Variants in RAB6B observed in about 807,000 individuals in gnomAD.
The protein encoded by RAB6B is RAB6B, member RAS oncogene family, also known as ras-related protein Rab-6B.
Under a neutral mutation model 31.2 loss-of-function variants are expected in RAB6B, and 7 were observed. The observed-to-expected ratio is 0.22, with a 90% confidence interval of 0.13 to 0.42. The LOEUF (loss-of-function observed/expected upper bound fraction) is 0.42, where lower values mean the gene tolerates loss of function less well. Ranked by LOEUF, RAB6B falls within the 10% of genes least tolerant of loss-of-function variation. The pLI, the probability that RAB6B is intolerant of heterozygous loss-of-function variation, is 1.00. For missense variants in RAB6B, 149 were observed against 280.6 expected (o/e 0.53, Z 3.35); for synonymous variants, 105 against 104.9 (o/e 1.00, Z -0.01).
chr3:133,888,570 T>G (rs1936586408), intron 1 of RAB6B, among the ~76,000 whole-genome samples: 1 of 152,260 alleles, frequency 6.6e-6, no homozygotes, highest in African/African-American at 2.4e-5. Context: ...TCTGGTCACC[T>G]GGGCTCCCTC....
chr3:133,856,968 G>C (rs191898434), intron 2 of RAB6B, among the ~76,000 whole-genome samples: 231 of 152,306 alleles, frequency 1.5e-3, no homozygotes, highest in Middle Eastern at 0.014. Flanking sequence ...TCCTCATGTT[G>C]CTAGAGTTAA....
At chr3:133,878,032 A>G (rs1050192110) in intron 1 of RAB6B, among the ~76,000 whole-genome samples, 2 of 152,068 alleles carry the variant, frequency 1.3e-5, no homozygotes, top group Non-Finnish European at 1.5e-5. Context: ...ACAATAAATG[A>G]TAAGAACACC....
rs558274904 is a variant in RAB6B, at chr3:133,864,165, G to T, written c.129+419C>A. Among the ~76,000 whole-genome samples the T allele has an allele frequency of 4.5e-4, 63 of 138,822 alleles. 1 individual carries two copies. Among genetic ancestry groups the T allele is most frequent in the Non-Finnish European group, 7.4e-4 (50 of 67,622 alleles). 91.1% of individuals were successfully genotyped at this position (138,822 alleles called of 152,430 possible). ...GTGTGTGTGTTTGTGTGCGTGTGTGGGGGGGGGCGGGGGTGAGAGAGAGAG... is the reference window on the plus strand; with the variant it reads ...GTGTGTGTGTTTGTGTGCGTGTGTGTGGGGGGGCGGGGGTGAGAGAGAGAG... On this transcript the variant is annotated intron_variant, in intron 2 of 7. Transcript: ENST00000285208.
chr3:133,855,338 C>G (rs1221398779), intron 2 of RAB6B, among the ~76,000 whole-genome samples: 1 of 152,254 alleles, frequency 6.6e-6, no homozygotes, highest in Admixed American at 6.5e-5. Flanking sequence ...CGGGTACTTG[C>G]ATTCTTCCAG....
chr3:133,826,848 G>T lies in RAB6B; in HGVS notation c.*1940C>A, dbSNP rs1223934398. ...CTTATCACAATGCAAGTTCCAACTT[G>T]AGAGCAGGAGAAACAAGAATATACA... On this transcript the variant is annotated 3_prime_UTR_variant, in exon 8 of 8. Transcript: ENST00000285208. The T allele has an allele frequency of 6.6e-6, 1 of 152,666 alleles. No homozygotes were observed. Among genetic ancestry groups the T allele is most frequent in the Non-Finnish European group, 1.5e-5 (1 of 68,046 alleles). 9.5% of individuals were successfully genotyped at this position (152,666 alleles called of 1,614,324 possible). A position where few individuals can be genotyped will look rare whatever the true frequency, so the allele number is the denominator to read the frequency against.
intron 1 of RAB6B, among the ~76,000 whole-genome samples, chr3:133,869,974 A>C (rs1474257054): frequency 2.0e-5 from 3 of 152,224 alleles, no homozygotes; most frequent in African/African-American, 4.8e-5. Flanking sequence ...TGAGCCACTA[A>C]GTTTTGGGGT....
In RAB6B at chr3:133,826,998, T is replaced by C. The variant is rs1935575755; in HGVS notation, c.*1790A>G. ...TGACATCTGAAACACGTTCAAACAT[T>C]GGTCCTTGCCTTCTGCAAGAGGTGC... is the stretch of plus-strand genomic sequence containing the variant. On this transcript the variant is annotated 3_prime_UTR_variant, in exon 8 of 8. Transcript: ENST00000285208. 6.5e-6 allele frequency: 1 copy of C among 152,682 alleles called. No homozygotes were observed. Among genetic ancestry groups the C allele is most frequent in the Non-Finnish European group, 1.5e-5 (1 of 68,042 alleles). The allele number at this position is 152,682 out of a possible 1,614,324, so 9.5% of individuals were successfully genotyped here.
chr3:133,871,955 C>T (rs1936332128), intron 1 of RAB6B, among the ~76,000 whole-genome samples: 1 of 152,180 alleles, frequency 6.6e-6, no homozygotes, highest in African/African-American at 2.4e-5. Context: ...GCCTAGGGCC[C>T]CAGGAGTTCC....
rs145399504 is a variant in RAB6B, at chr3:133,854,470, G to A, written c.129+10114C>T. On this transcript the variant is annotated intron_variant, in intron 2 of 7. Transcript: ENST00000285208. ...CCCTATGACCCTCCTCTCCCTCCTC[G>A]GCTGTGCTGGGCACACCTCCTGCAC... 1.0e-3 allele frequency among the ~76,000 whole-genome samples: 159 copies of A among 152,252 alleles called. 2 individuals are homozygous for A. In the East Asian group the frequency reaches 0.029, roughly 27 times the overall value.
chr3:133,868,977 G>A (rs1456119290), intron 1 of RAB6B, among the ~76,000 whole-genome samples: 2 of 152,192 alleles, frequency 1.3e-5, no homozygotes, highest in Non-Finnish European at 2.9e-5. Flanking sequence ...TCATCACTCT[G>A]CTGTGCTGGT....
chr3:133,852,002 T>G (rs185475934), intron 2 of RAB6B, among the ~76,000 whole-genome samples: 1 of 148,446 alleles, frequency 6.7e-6, no homozygotes, highest in East Asian at 2.0e-4. Flanking sequence ...GCCACCTCCA[T>G]GGAGAGCCAC....
intron 1 of RAB6B, among the ~76,000 whole-genome samples, chr3:133,878,844 A>G (rs1023941841): frequency 6.6e-6 from 1 of 152,364 alleles, no homozygotes; most frequent in South Asian, 2.1e-4. Flanking sequence ...CCTAGCAAAA[A>G]TCTTTCAAAA....
Position 133,841,401 on chromosome 3 carries a change from G to A in RAB6B, c.184-11C>T, listed in dbSNP as rs1935827865. The A allele has an allele frequency of 1.9e-6, 3 of 1,613,952 alleles. No individual in the cohort carries two copies. The highest frequency in any genetic ancestry group is 4.5e-5 in the East Asian group (2 of 44,858). On this transcript the variant is annotated splice_polypyrimidine_tract_variant and intron_variant, in intron 3 of 7. Coordinates refer to ENST00000285208, the MANE Select transcript of RAB6B (RefSeq NM_016577.4). Reference sequence around the variant, plus strand: ...GAGCTGCAGTCGCACCTGTCTCAGGGAGGGCAGGACCATGGGCAGAGGGGT... The same window carrying A: ...GAGCTGCAGTCGCACCTGTCTCAGGAAGGGCAGGACCATGGGCAGAGGGGT...
chr3:133,867,406 C>T (rs1360121673), intron 1 of RAB6B, among the ~76,000 whole-genome samples: 1 of 152,182 alleles, frequency 6.6e-6, no homozygotes, highest in Non-Finnish European at 1.5e-5. Context: ...TGCAGCAACA[C>T]TGGGTACCAT....
intron 1 of RAB6B, among the ~76,000 whole-genome samples, chr3:133,892,889 C>CAA (rs1936655958): frequency 6.6e-6 from 1 of 152,248 alleles, no homozygotes; most frequent in South Asian, 2.1e-4. Flanking sequence ...GAAGAAGCGG[C>CAA]TGTGGAGGTG....
intron 2 of RAB6B, among the ~76,000 whole-genome samples, chr3:133,852,820 C>T (rs554290211): frequency 5.9e-5 from 9 of 152,236 alleles, no homozygotes; most frequent in African/African-American, 9.6e-5. Context: ...TGCCTTACTG[C>T]GTGACCTTGT....
intron 1 of RAB6B, among the ~76,000 whole-genome samples, chr3:133,890,900 T>C (rs1012191129): frequency 6.6e-6 from 1 of 152,132 alleles, no homozygotes; most frequent in Non-Finnish European, 1.5e-5. Context: ...AAGCATATGA[T>C]TGTATTGTAT....
In RAB6B at chr3:133,889,388, T is replaced by TTTTA. The variant is rs1277081488; in HGVS notation, c.70+6008_70+6009insTAAA. ...ACAAAAGGACAATAAGGTTATTTTG[T>TTTTA]TATATATATATATATATATATATAT... is the stretch of plus-strand genomic sequence containing the variant. On this transcript the variant is annotated intron_variant, in intron 1 of 7. Coordinates refer to ENST00000285208, the MANE Select transcript of RAB6B (RefSeq NM_016577.4). Among the ~76,000 whole-genome samples, 116 of 80,280 alleles carry TTTTA rather than the reference T, an allele frequency of 1.4e-3. 10 individuals are homozygous for TTTTA. Among genetic ancestry groups the TTTTA allele is most frequent in the East Asian group, 5.3e-3 (12 of 2,252 alleles). 52.7% of individuals were successfully genotyped at this position (80,280 alleles called of 152,430 possible). A position where few individuals can be genotyped will look rare whatever the true frequency, so the allele number is the denominator to read the frequency against.
chr3:133,851,147 C>T (rs1397343889), intron 2 of RAB6B, among the ~76,000 whole-genome samples: 5 of 151,976 alleles, frequency 3.3e-5, no homozygotes, highest in Admixed American at 1.3e-4. Context: ...AACTTCACTA[C>T]AAGAAATGTT....
Sources: gnomAD v4.1 joint callset for allele counts (sites outside exome capture counted in the v4.1 genomes callset) on GRCh38, gnomAD v4.1.1 for gene constraint, MANE v1.5 for transcripts, NCBI Gene and HGNC (gene_info 2026-07-23, HGNC 2026-07-21) for gene names.